SCAPER: variants seen among roughly 807,000 people sequenced by gnomAD.
The protein encoded by SCAPER is S phase cyclin A-associated protein in the endoplasmic reticulum.
A neutral mutation model predicts 182.2 loss-of-function variants in SCAPER; 98 were observed. The observed-to-expected ratio is 0.54, with a 90% CI of 0.46 to 0.64. The LOEUF (loss-of-function observed/expected upper bound fraction) is 0.64. Among genes scored for constraint, SCAPER ranks in the 30% least tolerant of loss-of-function variants. The pLI, the probability that SCAPER is intolerant of heterozygous loss-of-function variation, is 0.00. For missense variants in SCAPER, 1,432 were observed against 1,690.0 expected, an observed-to-expected ratio of 0.85 and a Z score of 2.68; for synonymous variants, 605 against 564.6, an observed-to-expected ratio of 1.07 and a Z score of -1.01.
At position 76,824,173 on chromosome 15, in the gene SCAPER, C is replaced by T. The variant is rs190298909; in HGVS notation, c.393+17561G>A. Among the ~76,000 whole-genome samples, 3 of 152,246 alleles carry T rather than the reference C, an allele frequency of 2.0e-5. No homozygotes were observed. In the East Asian group the frequency reaches 5.8e-4, roughly 29 times the overall value. On this transcript the variant is annotated intron_variant, in intron 5 of 31. Transcript: ENST00000563290. ...ATCTTTCTCCTCAAAGCTATGAAGG[C>T]CATTTTGTCAAGCAGGATGAAACAG...
intron 21 of SCAPER, among the ~76,000 whole-genome samples, chr15:76,625,444 G>C (rs2052481072): frequency 6.6e-6 from 1 of 152,174 alleles, no homozygotes; most frequent in Non-Finnish European, 1.5e-5. Flanking sequence ...TGTTACAGTG[G>C]CCTCACCGCT....
At chr15:76,480,165 A>G (rs2050991501) in intron 24 of SCAPER, among the ~76,000 whole-genome samples, 1 of 152,218 alleles carries the variant, frequency 6.6e-6, no homozygotes, top group South Asian at 2.1e-4. Context: ...TTCGTTAGGA[A>G]AGGGAGAGAC....
intron 26 of SCAPER, among the ~76,000 whole-genome samples, chr15:76,409,718 C>T (rs868243433): frequency 2.0e-5 from 3 of 152,168 alleles, no homozygotes; most frequent in African/African-American, 4.8e-5. Context: ...TATCCCTGAA[C>T]TAAATTTAGT....
At chr15:76,717,752 T>C (rs1230685774) in intron 17 of SCAPER, among the ~76,000 whole-genome samples, 1 of 152,100 alleles carries the variant, frequency 6.6e-6, no homozygotes, top group African/African-American at 2.4e-5. Context: ...GATGTAACAA[T>C]TGTAAATATA....
At chr15:76,441,288 T>A (rs1476501387) in intron 25 of SCAPER, among the ~76,000 whole-genome samples, 1 of 152,160 alleles carries the variant, frequency 6.6e-6, no homozygotes, top group Non-Finnish European at 1.5e-5. Flanking sequence ...CAATTAATCC[T>A]AAATATCATT....
chr15:76,390,530 A>T (rs1480803791), intron 27 of SCAPER, among the ~76,000 whole-genome samples: 1 of 152,156 alleles, frequency 6.6e-6, no homozygotes. Flanking sequence ...GGGTGAATGG[A>T]TGAAGGGGCA....
chr15:76,497,109 C>CTTTTTTTTTTTTTTTT (rs57202860), intron 24 of SCAPER, among the ~76,000 whole-genome samples: 6 of 86,704 alleles, frequency 6.9e-5, no homozygotes, highest in African/African-American at 1.4e-4. Flanking sequence ...TTGGTCTCCT[C>CTTTTTTTTTTTTTTTT]TTTTTTTTTT....
chr15:76,377,647 C>A (rs2042658937), intron 28 of SCAPER, among the ~76,000 whole-genome samples: 1 of 152,150 alleles, frequency 6.6e-6, no homozygotes, highest in African/African-American at 2.4e-5. Context: ...GCCACCCATG[C>A]CAATATGAAT....
chr15:76,678,630 A>G (rs771739457), intron 20 of SCAPER, among the ~76,000 whole-genome samples: 23 of 152,026 alleles, frequency 1.5e-4, no homozygotes, highest in Non-Finnish European at 3.1e-4. Flanking sequence ...TGAGGAAGGT[A>G]TAGGAGGGCA....
intron 17 of SCAPER, among the ~76,000 whole-genome samples, chr15:76,711,706 C>T (rs576959461): frequency 1.3e-5 from 2 of 152,270 alleles, no homozygotes; most frequent in East Asian, 3.9e-4. Context: ...AGCACTTTTT[C>T]ATGTGGTTTT....
rs182865372 is a variant in SCAPER, at chr15:76,832,576, C to T, written c.393+9158G>A. 5.1e-3 allele frequency among the ~76,000 whole-genome samples: 784 copies of T among 152,282 alleles called. 3 individuals are homozygous for T. Among genetic ancestry groups the T allele is most frequent in the Non-Finnish European group, 8.9e-3 (608 of 68,028 alleles). ...TATTTGAGGAATTATACGGTTGGAT[C>T]GGTGTCTCCTCCCAAATCTCAAGTT... On this transcript the variant is annotated intron_variant, in intron 5 of 31. Coordinates refer to ENST00000563290, the MANE Select transcript of SCAPER (RefSeq NM_020843.4).
chr15:76,703,672 C>T (rs1038765232), intron 18 of SCAPER, among the ~76,000 whole-genome samples: 5 of 152,172 alleles, frequency 3.3e-5, no homozygotes, highest in African/African-American at 1.2e-4. Flanking sequence ...CACTTCCTGA[C>T]CTCTGACACT....
chr15:76,737,025 C>T (rs2151084512), intron 15 of SCAPER: 1 of 152,508 alleles, frequency 6.6e-6, no homozygotes, highest in Middle Eastern at 3.4e-3. Context: ...CAAAAATCAT[C>T]TGTGAGGGCT....
At chr15:76,655,749 C>T (rs1175828458) in intron 21 of SCAPER, among the ~76,000 whole-genome samples, 1 of 152,156 alleles carries the variant, frequency 6.6e-6, no homozygotes, top group South Asian at 2.1e-4. Context: ...AGATTGGACG[C>T]TTATATTCAG....
At chr15:76,519,335 T>G (rs2042671031) in intron 23 of SCAPER, among the ~76,000 whole-genome samples, 1 of 151,948 alleles carries the variant, frequency 6.6e-6, no homozygotes, top group East Asian at 1.9e-4. Flanking sequence ...CCTCTGAAAA[T>G]ATTCATTTGT....
At chr15:76,836,942 C>T (rs1258324898) in intron 5 of SCAPER, among the ~76,000 whole-genome samples, 2 of 151,990 alleles carry the variant, frequency 1.3e-5, no homozygotes, top group Non-Finnish European at 2.9e-5. Context: ...TAGAAGAAAA[C>T]CTAGAAGATA....
chr15:76,390,784 G>C lies in SCAPER; in HGVS notation c.3468-9169C>G, dbSNP rs953406672. Among the ~76,000 whole-genome samples, 3 of 147,534 alleles carry C rather than the reference G, an allele frequency of 2.0e-5. No individual in the cohort carries two copies. The South Asian group carries it at 7.1e-4, about 35-fold the overall frequency. On this transcript the variant is annotated intron_variant, in intron 27 of 31. Transcript: ENST00000563290. ...ACAGTTTGGAAGTTGGGCTGAAGGA[G>C]CTCTGCCAGAGGCTATGTTGTGTTG...
At chr15:76,759,473 A>G (rs1171436027) in intron 14 of SCAPER, among the ~76,000 whole-genome samples, 1 of 152,130 alleles carries the variant, frequency 6.6e-6, no homozygotes, top group Non-Finnish European at 1.5e-5. Context: ...CTTCCACAAT[A>G]ATGGTATCAA....
chr15:76,655,430 A>C (rs891756734), intron 21 of SCAPER, among the ~76,000 whole-genome samples: 6 of 152,184 alleles, frequency 3.9e-5, no homozygotes, highest in African/African-American at 1.4e-4. Context: ...ATCTCCCTGA[A>C]AGAGAAGGAG....
Sources: allele counts gnomAD v4.1 joint callset (sites outside exome capture counted in the v4.1 genomes callset), GRCh38; gene constraint gnomAD v4.1.1; transcripts MANE v1.5; gene names NCBI Gene and HGNC (gene_info 2026-07-23, HGNC 2026-07-21).